NPAS3: variants seen among roughly 807,000 people sequenced by gnomAD.
The protein encoded by NPAS3 is neuronal PAS domain-containing protein 3.
In NPAS3, 14 loss-of-function variants were observed where a neutral mutation model predicts 73.1. That is an observed-to-expected ratio of 0.19 (90% CI 0.13 to 0.30). The LOEUF (loss-of-function observed/expected upper bound fraction) is 0.30, where lower values mean the gene tolerates loss of function less well. Ranked by LOEUF, NPAS3 falls within the 10% of genes least tolerant of loss-of-function variation. NPAS3 has a pLI of 1.00. For synonymous variants in NPAS3, 620 were observed against 541.5 expected (o/e 1.14, Z -2.01); for missense variants, 1,096 against 1,250.0 (o/e 0.88, Z 1.86).
chr14:33,135,126 GA>G (rs2043785743), intron 2 of NPAS3, among the ~76,000 whole-genome samples: 1 of 152,226 alleles, frequency 6.6e-6, no homozygotes, highest in Non-Finnish European at 1.5e-5. Flanking sequence ...GTGAAAGTCT[GA>G]AATTCACTTT....
At chr14:33,629,246 A>G (rs1186036401) in intron 5 of NPAS3, among the ~76,000 whole-genome samples, 1 of 151,722 alleles carries the variant, frequency 6.6e-6, no homozygotes, top group Non-Finnish European at 1.5e-5. Flanking sequence ...AAAAAAAAAA[A>G]AAAAGAAAAC....
At chr14:33,059,118 G>A (rs1327221585) in intron 2 of NPAS3, among the ~76,000 whole-genome samples, 1 of 152,140 alleles carries the variant, frequency 6.6e-6, no homozygotes, top group Non-Finnish European at 1.5e-5. Context: ...GGAAAATATT[G>A]CAATTCTGGT....
At chr14:33,690,226 C>A (rs1172402549) in intron 6 of NPAS3, among the ~76,000 whole-genome samples, 1 of 152,116 alleles carries the variant, frequency 6.6e-6, no homozygotes, top group Non-Finnish European at 1.5e-5. Flanking sequence ...TTGGTTTGAA[C>A]TTTATGTGAA....
chr14:33,489,850 A>T (rs1005929999), intron 4 of NPAS3, among the ~76,000 whole-genome samples: 4 of 152,204 alleles, frequency 2.6e-5, no homozygotes, highest in African/African-American at 7.2e-5. Context: ...AGATTCAAAC[A>T]GAACATGTAG....
At chr14:33,668,888 T>C (rs1208587845) in intron 5 of NPAS3, among the ~76,000 whole-genome samples, 3 of 152,158 alleles carry the variant, frequency 2.0e-5, no homozygotes, top group Non-Finnish European at 4.4e-5. Flanking sequence ...CATTTTCCAC[T>C]CTTTCTTATT....
intron 7 of NPAS3, among the ~76,000 whole-genome samples, chr14:33,753,454 C>T (rs957790774): frequency 6.6e-6 from 1 of 151,764 alleles, no homozygotes; most frequent in Non-Finnish European, 1.5e-5. Flanking sequence ...TGCGGCAGGG[C>T]ATTTATTATG....
At chr14:33,245,924 G>GT (rs5807708) in intron 3 of NPAS3, among the ~76,000 whole-genome samples, 21,617 of 146,236 alleles carry the variant, frequency 0.15, 1,876 homozygotes, top group Non-Finnish European at 0.21. Flanking sequence ...AGCAATAGGT[G>GT]TTTTTTTTTT....
intron 4 of NPAS3, among the ~76,000 whole-genome samples, chr14:33,549,485 C>T (rs1449735320): frequency 1.3e-5 from 2 of 152,148 alleles, no homozygotes; most frequent in South Asian, 2.1e-4. Flanking sequence ...TCGCCTGCCT[C>T]GGCCTTCTAA....
intron 2 of NPAS3, among the ~76,000 whole-genome samples, chr14:33,174,343 G>A (rs1350817102): frequency 6.6e-6 from 1 of 152,200 alleles, no homozygotes; most frequent in Non-Finnish European, 1.5e-5. Context: ...ACAGGTGGAA[G>A]AGCCTTGGTA....
intron 6 of NPAS3, among the ~76,000 whole-genome samples, chr14:33,716,721 C>G (rs977638809): frequency 6.6e-6 from 1 of 152,018 alleles, no homozygotes; most frequent in Non-Finnish European, 1.5e-5. Flanking sequence ...AATTCTCATC[C>G]TTTTTTGTGT....
intron 2 of NPAS3, among the ~76,000 whole-genome samples, chr14:33,061,451 C>T (rs1034635757): frequency 6.6e-6 from 1 of 152,160 alleles, no homozygotes; most frequent in African/African-American, 2.4e-5. Flanking sequence ...TGCTTCAAGC[C>T]TTTCGATATC....
chr14:33,269,818 G>A (rs1402728353), intron 3 of NPAS3, among the ~76,000 whole-genome samples: 2 of 152,042 alleles, frequency 1.3e-5, no homozygotes, highest in Non-Finnish European at 2.9e-5. Flanking sequence ...CAGGGAGGGG[G>A]GTATGGGGAG....
chr14:33,575,516 T>C (rs2139844016), intron 5 of NPAS3, among the ~76,000 whole-genome samples: 1 of 152,320 alleles, frequency 6.6e-6, no homozygotes, highest in South Asian at 2.1e-4. Context: ...GCTCCCACAT[T>C]CCTTTTCTGC....
At chr14:33,459,359 TA>T (rs1216717697) in intron 4 of NPAS3, among the ~76,000 whole-genome samples, 1 of 152,250 alleles carries the variant, frequency 6.6e-6, no homozygotes, top group Admixed American at 6.5e-5. Context: ...CTTTCATATG[TA>T]ACAATGGGAT....
chr14:33,677,032 T>C (rs1595417376), intron 6 of NPAS3, among the ~76,000 whole-genome samples: 2 of 152,198 alleles, frequency 1.3e-5, no homozygotes, highest in South Asian at 4.1e-4. Context: ...TTCATTGTGT[T>C]GTACTGATGA....
At chr14:33,419,745 C>T (rs536837761) in intron 4 of NPAS3, among the ~76,000 whole-genome samples, 16 of 151,822 alleles carry the variant, frequency 1.1e-4, no homozygotes, top group Admixed American at 9.2e-4. Context: ...CTGGGTCTTA[C>T]GATAATCTGG....
intron 4 of NPAS3, among the ~76,000 whole-genome samples, chr14:33,383,561 C>A (rs2046649260): frequency 6.6e-6 from 1 of 152,124 alleles, no homozygotes. Context: ...ATTATAATGT[C>A]ATTTGCCCCT....
Position 33,684,304 on chromosome 14 carries a change from A to T in NPAS3, c.733+7919A>T, listed in dbSNP as rs568729185. On this transcript the variant is annotated intron_variant, in intron 6 of 11. Transcript: ENST00000356141. ...TCTAATCCTTTTCTTTGCTCTCATT[A>T]TTTCTTTTCTTTTTATTTTTTTGAG... 1.5e-4 allele frequency among the ~76,000 whole-genome samples: 23 copies of T among 148,980 alleles called. 1 individual carries two copies. The highest frequency in any genetic ancestry group is 5.7e-4 in the African/African-American group (23 of 40,300).
At chr14:33,020,356 G>A (rs147752097) in intron 1 of NPAS3, among the ~76,000 whole-genome samples, 4 of 152,312 alleles carry the variant, frequency 2.6e-5, no homozygotes, top group African/African-American at 9.6e-5. Flanking sequence ...CTAGCCAGCT[G>A]TATCACCATG....
Sources: gnomAD v4.1 joint callset for allele counts (sites outside exome capture counted in the v4.1 genomes callset) on GRCh38, gnomAD v4.1.1 for gene constraint, MANE v1.5 for transcripts, NCBI Gene and HGNC (gene_info 2026-07-23, HGNC 2026-07-21) for gene names.